KDM4C: variants seen among roughly 807,000 people sequenced by gnomAD.
KDM4C encodes lysine demethylase 4C.
KDM4C carries 81 observed loss-of-function variants against 129.3 expected under a neutral mutation model. The ratio of observed to expected loss-of-function variants is 0.63; its 90% CI spans 0.52 to 0.75. The LOEUF (loss-of-function observed/expected upper bound fraction) is 0.75, where lower values mean the gene tolerates loss of function less well. KDM4C is among the 30% of genes least tolerant of loss of function. The pLI, the probability that KDM4C is intolerant of heterozygous loss-of-function variation, is 0.00. For missense variants in KDM4C, 1,457 were observed against 1,304.0 expected (o/e 1.12, Z -1.81); for synonymous variants, 573 against 456.1 (o/e 1.26, Z -3.26).
intron 15 of KDM4C, among the ~76,000 whole-genome samples, chr9:7,017,377 C>A (rs954106223): frequency 2.1e-4 from 32 of 152,028 alleles, no homozygotes; most frequent in Admixed American, 2.6e-4. Flanking sequence ...ACAAATGATC[C>A]CCTATTTAGA....
intron 17 of KDM4C, among the ~76,000 whole-genome samples, chr9:7,070,590 G>T (rs6477147): frequency 0.79 from 120,159 of 151,836 alleles, 47,885 homozygotes; most frequent in African/African-American, 0.87. Flanking sequence ...ATTAGCTATA[G>T]TAACAGACTA....
intron 19 of KDM4C, among the ~76,000 whole-genome samples, 198 bp downstream of exon 19, chr9:7,128,434 GC>G (rs1459304426): frequency 6.7e-6 from 1 of 149,134 alleles, no homozygotes; most frequent in Non-Finnish European, 1.5e-5. Context: ...ACGTTATTTG[GC>G]CAAGAAATAA....
At chr9:6,865,166 A>C (rs7045781) in intron 5 of KDM4C, among the ~76,000 whole-genome samples, 2 of 151,348 alleles carry the variant, frequency 1.3e-5, no homozygotes, top group African/African-American at 4.9e-5. Context: ...CCGCCACCAC[A>C]CCTGGCTAAT....
chr9:7,064,295 A>T (rs537563902), intron 17 of KDM4C, among the ~76,000 whole-genome samples: 4 of 152,332 alleles, frequency 2.6e-5, no homozygotes, highest in African/African-American at 7.2e-5. Flanking sequence ...ATGATATTTT[A>T]GATTTATAAG....
At position 6,805,715 on chromosome 9, in the gene KDM4C, C is replaced by T. The variant is rs1248136304; in HGVS notation, c.261C>T (p.Tyr87=). Residue 87 remains tyrosine, a synonymous_variant, in exon 3 of 22, where the codon TAC becomes TAT. Transcript: ENST00000381309. ...GGCAGTCAGGACTGTTCACTCAGTA[C>T]AACATCCAGAAAAAAGCGATGACTG... is the stretch of plus-strand genomic sequence containing the variant. ...VTGQSGLFTQ[Y]NIQKKAMTVK... 1.2e-5 allele frequency: 20 copies of T among 1,613,942 alleles called. No homozygotes were observed. The highest frequency in any genetic ancestry group is 1.5e-5 in the Non-Finnish European group (18 of 1,179,992).
intron 4 of KDM4C, among the ~76,000 whole-genome samples, chr9:6,816,733 C>T (rs116674546): frequency 2.6e-5 from 4 of 152,182 alleles, no homozygotes; most frequent in African/African-American, 4.8e-5. Flanking sequence ...TGTGTGTAGT[C>T]GTATCTTTTG....
chr9:6,985,551 C>T lies in KDM4C; in HGVS notation c.1355-793C>T, dbSNP rs541048432. The stretch of plus-strand genomic sequence containing the variant: ...GAGCTGGATAGCCAAGGTTTCTTGG[C>T]AAAGGTGATATCTGAATTGAGTTTT... On this transcript the variant is annotated intron_variant, in intron 10 of 21. Coordinates refer to ENST00000381309, the MANE Select transcript of KDM4C (RefSeq NM_015061.6). Among the ~76,000 whole-genome samples the T allele has an allele frequency of 2.6e-5, 4 of 152,164 alleles. No homozygotes were observed. The South Asian group carries it at 6.2e-4, about 24-fold the overall frequency.
intron 4 of KDM4C, among the ~76,000 whole-genome samples, chr9:6,837,986 G>A (rs1345632405): frequency 1.3e-5 from 2 of 151,896 alleles, no homozygotes; most frequent in African/African-American, 4.8e-5. Flanking sequence ...TTTCTGTACT[G>A]TACTATGTTA....
chr9:6,839,117 G>C (rs1257489719), intron 4 of KDM4C, among the ~76,000 whole-genome samples: 2 of 152,242 alleles, frequency 1.3e-5, no homozygotes, highest in Non-Finnish European at 2.9e-5. Context: ...TGCCAGCACA[G>C]TAGTGGAGTT....
Position 6,971,108 on chromosome 9 carries a change from A to T in KDM4C, c.922-9817A>T, listed in dbSNP as rs117617371. Among the ~76,000 whole-genome samples, 706 of 152,360 alleles carry T rather than the reference A, an allele frequency of 4.6e-3. 15 individuals are homozygous for T. The highest frequency in any genetic ancestry group is 6.8e-3 in the Non-Finnish European group (466 of 68,044). On this transcript the variant is annotated intron_variant, in intron 8 of 21. Transcript: ENST00000381309. Reference sequence around the variant, plus strand: ...AGTGGATGGATTGTAATAGGCAGCCACATCTGAAGAAATAAGTGAAACTAT... The same window carrying T: ...AGTGGATGGATTGTAATAGGCAGCCTCATCTGAAGAAATAAGTGAAACTAT...
At chr9:6,833,097 T>G (rs936682926) in intron 4 of KDM4C, among the ~76,000 whole-genome samples, 1 of 152,110 alleles carries the variant, frequency 6.6e-6, no homozygotes, top group Non-Finnish European at 1.5e-5. Flanking sequence ...TTGATGGTTC[T>G]GAGCATGGGA....
At chr9:6,747,040 A>G (rs1817905326) in intron 1 of KDM4C, among the ~76,000 whole-genome samples, 1 of 151,006 alleles carries the variant, frequency 6.6e-6, no homozygotes, top group Admixed American at 6.6e-5. Flanking sequence ...GAAAAAGAAA[A>G]AAATTAGTCA....
At chr9:7,167,319 C>T (rs1844490095) in intron 20 of KDM4C, among the ~76,000 whole-genome samples, 1 of 152,104 alleles carries the variant, frequency 6.6e-6, no homozygotes, top group African/African-American at 2.4e-5. Context: ...CCCAAGGGAC[C>T]CTTGAGTCCC....
chr9:6,970,433 G>A (rs1831764418), intron 8 of KDM4C, among the ~76,000 whole-genome samples: 1 of 152,166 alleles, frequency 6.6e-6, no homozygotes, highest in South Asian at 2.1e-4. Context: ...TGGTTACTGT[G>A]GACATATTGC....
chr9:7,038,477 C>T (rs897348856), intron 15 of KDM4C, among the ~76,000 whole-genome samples: 1 of 151,918 alleles, frequency 6.6e-6, no homozygotes, highest in Admixed American at 6.6e-5. Context: ...TCTTAGTATC[C>T]CAGTGGCTGT....
chr9:6,752,729 T>G (rs1818113213), upstream of KDM4C, among the ~76,000 whole-genome samples: 1 of 152,098 alleles, frequency 6.6e-6, no homozygotes, highest in Non-Finnish European at 1.5e-5. Flanking sequence ...TAAAGCAACT[T>G]CCAAAAAGTT....
Position 6,798,929 on chromosome 9 carries a change from G to A in KDM4C, c.144+5797G>A, listed in dbSNP as rs374151207. 2.6e-5 allele frequency among the ~76,000 whole-genome samples: 4 copies of A among 151,550 alleles called. No individual in the cohort carries two copies. The East Asian group carries it at 5.9e-4, about 22-fold the overall frequency. ...CGTTCCTCACCTCCCAGACGGGGTC[G>A]CGGTCGGGTCGAGGCGCTCCTCACA... On this transcript the variant is annotated intron_variant, in intron 2 of 21. Coordinates refer to ENST00000381309, the MANE Select transcript of KDM4C (RefSeq NM_015061.6).
rs533836602 is a variant in KDM4C, at chr9:6,739,048, C to A, written c.49+18051C>A. ...TGAGCCTCCACATCCGGATTTTTTCCTTTGCAGATCTATATGTAGATATTC... is the reference window on the plus strand; with the variant it reads ...TGAGCCTCCACATCCGGATTTTTTCATTTGCAGATCTATATGTAGATATTC... On this transcript the variant is annotated intron_variant, in intron 1 of 17. Transcript: ENST00000536108. 5.3e-5 allele frequency among the ~76,000 whole-genome samples: 8 copies of A among 151,308 alleles called. 1 individual carries two copies. The South Asian group carries it at 1.7e-3, about 32-fold the overall frequency.
rs568511617 is a variant in KDM4C at position 6,829,193 on chromosome 9, C to G, written c.435+14448C>G. 2.6e-5 allele frequency among the ~76,000 whole-genome samples: 4 copies of G among 152,226 alleles called. No homozygotes were observed. In the East Asian group the frequency reaches 7.7e-4, roughly 29 times the overall value. On this transcript the variant is annotated intron_variant, in intron 4 of 21. Coordinates refer to ENST00000381309, the MANE Select transcript of KDM4C (RefSeq NM_015061.6). ...TGGTGGATGGCATGAATACTACACA[C>G]AGTAGGAGTGTAAAGAGGTGAAGAT...
Sources: gnomAD v4.1 joint callset for allele counts (sites outside exome capture counted in the v4.1 genomes callset) on GRCh38, gnomAD v4.1.1 for gene constraint, MANE v1.5 for transcripts, NCBI Gene and HGNC (gene_info 2026-07-23, HGNC 2026-07-21) for gene names.